The following SMOX variants were observed in gnomAD, a reference collection of about 807,000 sequenced individuals.
SMOX encodes flavin containing amine oxidase.
SMOX carries 22 observed loss-of-function variants against 51.0 expected under a neutral mutation model. That is an observed-to-expected ratio of 0.43 (90% CI 0.31 to 0.62). The LOEUF is 0.62. SMOX is among the 20% of genes least tolerant of loss of function. The probability of loss-of-function intolerance (pLI) is 0.10; values close to 1 mark genes in which losing one functional copy is unlikely to be tolerated. For synonymous variants in SMOX, 282 were observed against 307.8 expected, an observed-to-expected ratio of 0.92 and a Z score of 0.88; for missense variants, 566 against 777.7, an observed-to-expected ratio of 0.73 and a Z score of 3.24.
rs559348141 is a variant in SMOX at position 4,167,475 on chromosome 20, G to A, written c.-26-7555G>A. Among the ~76,000 whole-genome samples, 5 of 152,238 alleles carry A rather than the reference G, an allele frequency of 3.3e-5. No homozygotes were observed. Among genetic ancestry groups the A allele is most frequent in the African/African-American group, 1.2e-4 (5 of 41,534 alleles). On this transcript the variant is annotated intron_variant, in intron 1 of 6. Coordinates refer to ENST00000305958, the MANE Select transcript of SMOX (RefSeq NM_175839.3). The surrounding 1 kb of genome is among the most constrained non-coding windows in gnomAD (Gnocchi z 4.8). Reference sequence around the variant, plus strand: ...TCGGCTGTACCTATCCCCATTTTACGGATGGGAAAGCTTGAAGACCAAAGT... The same window carrying A: ...TCGGCTGTACCTATCCCCATTTTACAGATGGGAAAGCTTGAAGACCAAAGT...
At position 4,170,208 on chromosome 20, in the gene SMOX, G is replaced by T. The variant is rs143643741; in HGVS notation, c.-26-4822G>T. 7.0e-4 allele frequency among the ~76,000 whole-genome samples: 106 copies of T among 152,176 alleles called. 2 individuals carry two copies. In the East Asian group the frequency reaches 0.02, roughly 29 times the overall value. On this transcript the variant is annotated intron_variant, in intron 1 of 6. Coordinates refer to ENST00000305958, the MANE Select transcript of SMOX (RefSeq NM_175839.3). The surrounding 1 kb of genome is among the most constrained non-coding windows in gnomAD (Gnocchi z 4.6). ...TGGGGGTGGAGGTGACATGATTCAGGCTGTGGAGTTGCCATGGCTTGACCC... is the reference window on the plus strand; with the variant it reads ...TGGGGGTGGAGGTGACATGATTCAGTCTGTGGAGTTGCCATGGCTTGACCC...
chr20:4,162,939 G>A (rs1286905736), intron 1 of SMOX, among the ~76,000 whole-genome samples: 1 of 152,338 alleles, frequency 6.6e-6, no homozygotes. Flanking sequence ...CGGTGTGTGA[G>A]CAAGGTTGGG....
chr20:4,149,503 C>T lies in SMOX; in HGVS notation c.-27+526C>T, dbSNP rs1171048524. Reference sequence around the variant, plus strand: ...CTTCCCCCTCTGGGCTCCGGGCGTCCGGGTGGTCCCCTTGGGGCCCCGGGC... The same window carrying T: ...CTTCCCCCTCTGGGCTCCGGGCGTCTGGGTGGTCCCCTTGGGGCCCCGGGC... On this transcript the variant is annotated intron_variant, in intron 1 of 6. Coordinates refer to ENST00000305958, the MANE Select transcript of SMOX (RefSeq NM_175839.3). This position sits in a 1 kb window ranked among gnomAD's most constrained non-coding sequence, Gnocchi z 6.0. Among the ~76,000 whole-genome samples, 2 of 151,802 alleles carry T rather than the reference C, an allele frequency of 1.3e-5. No individual in the cohort carries two copies. The highest frequency in any genetic ancestry group is 1.3e-4 in the Admixed American group (2 of 15,286).
intron 1 of SMOX, among the ~76,000 whole-genome samples, chr20:4,162,916 C>T (rs753472189): frequency 4.6e-5 from 7 of 152,142 alleles, no homozygotes; most frequent in Non-Finnish European, 1.0e-4. Context: ...GGGGAGGATG[C>T]GGCTGTGTGT....
At position 4,173,429 on chromosome 20, in the gene SMOX, T is replaced by C. The variant is rs1367292939; in HGVS notation, c.-26-1601T>C. ...CTGTCTACTGCTGAAGAATAGTCCG[T>C]GGTATGGATATGCTAGGTACAGCAC... On this transcript the variant is annotated intron_variant, in intron 1 of 6. Coordinates refer to ENST00000305958, the MANE Select transcript of SMOX (RefSeq NM_175839.3). Among the ~76,000 whole-genome samples the C allele has an allele frequency of 6.6e-5, 10 of 152,258 alleles. No individual in the cohort carries two copies. The South Asian group carries it at 1.5e-3, about 22-fold the overall frequency.
At chr20:4,159,793 C>A (rs1243446354) in intron 1 of SMOX, among the ~76,000 whole-genome samples, 2 of 152,212 alleles carry the variant, frequency 1.3e-5, no homozygotes, top group African/African-American at 4.8e-5. Context: ...GGGCGCATGG[C>A]CCCTGTGTGC....
Position 4,183,396 on chromosome 20 carries a change from C to A in SMOX, c.1370-98C>A. 1 of 1,556,408 alleles carries A rather than the reference C, an allele frequency of 6.4e-7. No individual in the cohort carries two copies. The highest frequency in any genetic ancestry group is 1.1e-5 in the South Asian group (1 of 89,398). ...CCCTGGCAGTCTGGTCCTCCCGGAG[C>A]CCTGGAGGTGGGGTGGGGGGTTGTC... On this transcript the variant is annotated intron_variant, in intron 5 of 6. Coordinates refer to ENST00000305958, the MANE Select transcript of SMOX (RefSeq NM_175839.3). This position sits in a 1 kb window ranked among gnomAD's most constrained non-coding sequence, Gnocchi z 4.3.
intron 2 of SMOX, among the ~76,000 whole-genome samples, chr20:4,175,542 T>A (rs973145415): frequency 6.6e-6 from 1 of 152,202 alleles, no homozygotes; most frequent in Non-Finnish European, 1.5e-5. Flanking sequence ...CTCTTGGTAC[T>A]GAGTGGGCAA....
Position 4,158,858 on chromosome 20 carries a change from T to G in SMOX, c.-27+9881T>G, listed in dbSNP as rs576730740. Among the ~76,000 whole-genome samples the G allele has an allele frequency of 2.3e-3, 350 of 152,110 alleles. 1 individual carries two copies. The highest frequency in any genetic ancestry group is 4.3e-3 in the Non-Finnish European group (294 of 68,006). Reference sequence around the variant, plus strand: ...CACCTCTGATCCTGGCGGGTGGTGGTGATACTCCTTGCAGGCTGAGTTGGC... The same window carrying G: ...CACCTCTGATCCTGGCGGGTGGTGGGGATACTCCTTGCAGGCTGAGTTGGC... On this transcript the variant is annotated intron_variant, in intron 1 of 6. Transcript: ENST00000305958.
At chr20:4,159,338 C>G (rs1884733) in intron 1 of SMOX, among the ~76,000 whole-genome samples, 47,899 of 152,076 alleles carry the variant, frequency 0.31, 9,442 homozygotes, top group Non-Finnish European at 0.43. Flanking sequence ...TCTCAAACTC[C>G]TGACTTCAAG....
In SMOX at chr20:4,182,664, C is replaced by A; in HGVS notation, c.1185C>A (p.His395Gln). Residue 395 changes from histidine to glutamine, a missense_variant, in exon 5 of 7, where the codon CAC becomes CAA. His to Gln is a conservative substitution (Grantham distance 24). This residue lies in a region of SMOX where 347 missense variants were observed against 481.8 expected (regional missense o/e 0.72). Transcript: ENST00000305958. The surrounding 1 kb of genome is among the most constrained non-coding windows in gnomAD (Gnocchi z 8.4). ...QFVWEDEAES[H>Q]TLTYPPELWY... Reference sequence around the variant, plus strand: ...TGTGGGAGGACGAAGCAGAGAGCCACACCCTCACCTACCCACCTGAGCTCT... The same window carrying A: ...TGTGGGAGGACGAAGCAGAGAGCCAAACCCTCACCTACCCACCTGAGCTCT... 6.2e-7 allele frequency: 1 copy of A among 1,614,184 alleles called. No homozygotes were observed. The highest frequency in any genetic ancestry group is 8.5e-7 in the Non-Finnish European group (1 of 1,180,028).
At chr20:4,155,567 A>G in intron 1 of SMOX, among the ~76,000 whole-genome samples, 1 of 152,132 alleles carries the variant, frequency 6.6e-6, no homozygotes, top group Admixed American at 6.5e-5. Context: ...TGGGTGGGGC[A>G]TTGCCTCTTC....
At position 4,181,833 on chromosome 20, in the gene SMOX, C is replaced by A; in HGVS notation, c.466C>A (p.His156Asn). 1 of 1,614,054 alleles carries A rather than the reference C, an allele frequency of 6.2e-7. No individual in the cohort carries two copies. The highest frequency in any genetic ancestry group is 1.1e-5 in the South Asian group (1 of 91,072). The change falls in exon 4 of 7, where the codon CAC (histidine) becomes AAC (asparagine). Residue 156 changes from histidine to asparagine, a missense_variant. Around this residue, in one of 3 missense-constraint regions of SMOX, gnomAD observed 217 missense variants for 278.4 expected, o/e 0.78. Transcript: ENST00000305958. The surrounding 1 kb of genome is among the most constrained non-coding windows in gnomAD (Gnocchi z 5.6). ...TAACTTGACCCAGGAGTTCTTCCGG[C>A]ACGATAAACCAGTCAATGCTGAAAG... ...VYNLTQEFFRHDKPVNAESQN... is the reference protein window; with the variant it reads ...VYNLTQEFFRNDKPVNAESQN...
chr20:4,173,369 G>A (rs1978572155), intron 1 of SMOX, among the ~76,000 whole-genome samples: 2 of 152,174 alleles, frequency 1.3e-5, no homozygotes, highest in Non-Finnish European at 2.9e-5. Flanking sequence ...TGATTGAGGT[G>A]CATCTGTGTG....
chr20:4,153,473 T>A lies in SMOX; in HGVS notation c.-27+4496T>A, dbSNP rs1226846671. ...GGAGGAGGGTGTGTCAGCTCTGCCC[T>A]GGGAGGCTTTCCTGTTTGGCACGAG... On this transcript the variant is annotated intron_variant, in intron 1 of 6. Coordinates refer to ENST00000305958, the MANE Select transcript of SMOX (RefSeq NM_175839.3). The surrounding 1 kb of genome is among the most constrained non-coding windows in gnomAD (Gnocchi z 4.4). Among the ~76,000 whole-genome samples, 1 of 152,088 alleles carries A rather than the reference T, an allele frequency of 6.6e-6. No individual in the cohort carries two copies. Among genetic ancestry groups the A allele is most frequent in the Non-Finnish European group, 1.5e-5 (1 of 67,996 alleles).
At chr20:4,186,558 CT>C (rs1469367182) in intron 6 of SMOX, among the ~76,000 whole-genome samples, 1 of 152,212 alleles carries the variant, frequency 6.6e-6, no homozygotes, top group Non-Finnish European at 1.5e-5. Flanking sequence ...CTGAAATGTC[CT>C]TTGCCTGTCC....
intron 1 of SMOX, among the ~76,000 whole-genome samples, chr20:4,159,957 C>T (rs1986227994): frequency 6.6e-6 from 1 of 152,148 alleles, no homozygotes; most frequent in Non-Finnish European, 1.5e-5. Context: ...CTGAAGTCAC[C>T]AGGAGGGGAA....
rs1330131640 is a variant in SMOX, at chr20:4,172,916, C to T, written c.-26-2114C>T. On this transcript the variant is annotated intron_variant, in intron 1 of 6. Transcript: ENST00000305958. The surrounding 1 kb of genome is among the most constrained non-coding windows in gnomAD (Gnocchi z 7.7). ...GCAGCTTCTCAGCCTAAGCGTATTT[C>T]GGAAAAAGCCTCCTTTGTTCACCCA... Among the ~76,000 whole-genome samples, 8 of 152,132 alleles carry T rather than the reference C, an allele frequency of 5.3e-5. No individual in the cohort carries two copies. Among genetic ancestry groups the T allele is most frequent in the Admixed American group, 5.2e-4 (8 of 15,272 alleles).
At chr20:4,175,599 T>C (rs2122536711) in intron 2 of SMOX, among the ~76,000 whole-genome samples, 1 of 152,230 alleles carries the variant, frequency 6.6e-6, no homozygotes, top group East Asian at 1.9e-4. Context: ...GTCCTAGTAG[T>C]TGTTAACTTT....
Sources: allele counts gnomAD v4.1 joint callset (sites outside exome capture counted in the v4.1 genomes callset), GRCh38; gene constraint gnomAD v4.1.1; regional missense constraint gnomAD v4.1.1; non-coding constraint Gnocchi (gnomAD v3.1); transcripts MANE v1.5; gene names NCBI Gene and HGNC (gene_info 2026-07-23, HGNC 2026-07-21).